FAT2: variants seen among roughly 807,000 people sequenced by gnomAD.
The protein encoded by FAT2 is protocadherin Fat 2.
A neutral mutation model predicts 295.3 loss-of-function variants in FAT2; 150 were observed. The ratio of observed to expected loss-of-function variants is 0.51; its 90% confidence interval spans 0.44 to 0.58. The LOEUF (loss-of-function observed/expected upper bound fraction) is 0.58. FAT2 is among the 20% of genes least tolerant of loss of function. The probability of loss-of-function intolerance (pLI) is 0.00; values close to 1 mark genes in which losing one functional copy is unlikely to be tolerated. For synonymous variants in FAT2, 2,026 were observed against 2,150.3 expected, an observed-to-expected ratio of 0.94 and a Z score of 1.60; for missense variants, 4,868 against 5,442.7, an observed-to-expected ratio of 0.89 and a Z score of 3.32.
In FAT2 at chr5:151,565,801, T is replaced by C; in HGVS notation, c.3131A>G (p.Asn1044Ser). ...SFVHQGQVQENSPSGTQVIVV... is the reference protein window; with the variant it reads ...SFVHQGQVQESSPSGTQVIVV... ...AATCACCTGAGTTCCCGAGGGGCTG[T>C]TCTCCTGCACCTGGCCCTGGTGCAC... is the stretch of plus-strand genomic sequence containing the variant. Residue 1044 changes from asparagine to serine, a missense_variant, in exon 2 of 24, where the codon AAC (asparagine) becomes AGC (serine). Physicochemically the swap from Asn to Ser is conservative, Grantham distance 46. Transcript: ENST00000261800. The C allele has an allele frequency of 6.2e-7, 1 of 1,614,104 alleles. No individual in the cohort carries two copies. Among genetic ancestry groups the C allele is most frequent in the Non-Finnish European group, 8.5e-7 (1 of 1,180,010 alleles).
Position 151,568,766 on chromosome 5 carries a change from C to G in FAT2, c.166G>C (p.Glu56Gln). The change falls in exon 2 of 24, where the codon GAG (glutamate) becomes CAG (glutamine). Residue 56 changes from glutamate (E) to glutamine (Q), a missense_variant. Glu to Gln is a conservative substitution (Grantham distance 29, BLOSUM62 2). Transcript: ENST00000261800. Reference sequence around the variant, plus strand: ...TCCGCGAGGTAGATGCCCATTTTCTCGAAGCTCTCCACATAGGTCTTGGGA... The same window carrying G: ...TCCGCGAGGTAGATGCCCATTTTCTGGAAGCTCTCCACATAGGTCTTGGGA... ...SSPKTYVESF[E>Q]KMGIYLAEPQ... The G allele has an allele frequency of 6.2e-7, 1 of 1,614,132 alleles. No individual in the cohort carries two copies. Among genetic ancestry groups the G allele is most frequent in the East Asian group, 2.2e-5 (1 of 44,890 alleles).
chr5:151,562,303 A>G (rs1758050377), intron 3 of FAT2, among the ~76,000 whole-genome samples: 1 of 152,116 alleles, frequency 6.6e-6, no homozygotes, highest in Non-Finnish European at 1.5e-5. Flanking sequence ...GACAAGAGTA[A>G]ATTGTTGGAG....
chr5:151,542,497 G>A lies in FAT2; in HGVS notation c.8630C>T (p.Ala2877Val), dbSNP rs1340677997. The A allele has an allele frequency of 1.2e-6, 2 of 1,614,168 alleles. No homozygotes were observed. Among genetic ancestry groups the A allele is most frequent in the East Asian group, 2.2e-5 (1 of 44,886 alleles). Reference sequence around the variant, plus strand: ...CTGGATGGTCTGTCCGTGGTCATAGGCCACCACATGAAAATGATAAGTCTG... The same window carrying A: ...CTGGATGGTCTGTCCGTGGTCATAGACCACCACATGAAAATGATAAGTCTG... Reference protein sequence around the residue: ...TCQTYHFHVVAYDHGQTIQLS... With the variant: ...TCQTYHFHVVVYDHGQTIQLS... The change falls in exon 10 of 24, where the codon GCC becomes GTC. Residue 2877 changes from alanine to valine, a missense_variant. By Grantham distance (64) the Ala-to-Val change is moderately conservative. Coordinates refer to ENST00000261800, the MANE Select transcript of FAT2 (RefSeq NM_001447.3).
At chr5:151,556,191 A>G in intron 4 of FAT2, 153 bp downstream of exon 4, 1 of 672,690 alleles carries the variant, frequency 1.5e-6, no homozygotes, top group South Asian at 1.7e-5. Flanking sequence ...GGAGCTAGCA[A>G]AGATCCAAGG....
chr5:151,591,020 C>A (rs552312742), intron 1 of FAT2, among the ~76,000 whole-genome samples, 145 bp downstream of exon 1: 2 of 152,232 alleles, frequency 1.3e-5, no homozygotes, highest in African/African-American at 4.8e-5. Flanking sequence ...CCTGTCTTCC[C>A]TCTCTGTGCC....
At chr5:151,534,951 G>T (rs180895215) in intron 12 of FAT2, among the ~76,000 whole-genome samples, 1 of 107,138 alleles carries the variant, frequency 9.3e-6, no homozygotes, top group African/African-American at 3.1e-5. Context: ...CCTTTGGTTC[G>T]TAATTCCACT....
At chr5:151,563,212 C>A (rs1243317606) in intron 3 of FAT2, 113 bp downstream of exon 3, 7 of 1,006,412 alleles carry the variant, frequency 7.0e-6, no homozygotes, top group Middle Eastern at 6.2e-4. Flanking sequence ...AGGGTGGGGC[C>A]AGAGAATTTG....
At chr5:151,590,178 G>T (rs541050825) in intron 1 of FAT2, among the ~76,000 whole-genome samples, 1 of 152,338 alleles carries the variant, frequency 6.6e-6, no homozygotes, top group African/African-American at 2.4e-5. Flanking sequence ...AGCAAGGCAT[G>T]TTCACCTGTC....
Position 151,510,099 on chromosome 5 carries a change from G to C in FAT2, c.11981C>G (p.Pro3994Arg), listed in dbSNP as rs770065957. ...EQGRENCTFA[P>R]CLEGGTCILS... ...GATGCAAGTTCCACCTTCCAGGCAG[G>C]GTGCAAAAGTACAGTTCTCCCTTCC... The change falls in exon 22 of 24, where the codon CCC (proline) becomes CGC (arginine). Residue 3994 changes from proline to arginine, a missense_variant. By Grantham distance (103) the Pro-to-Arg change is moderately radical. Transcript: ENST00000261800. 5.6e-6 allele frequency: 9 copies of C among 1,614,054 alleles called. No individual in the cohort carries two copies. The African/African-American group carries it at 1.1e-4, about 19-fold the overall frequency.
intron 19 of FAT2, among the ~76,000 whole-genome samples, chr5:151,519,160 G>A (rs781152145): frequency 6.6e-5 from 10 of 152,074 alleles, no homozygotes; most frequent in Non-Finnish European, 1.0e-4. Flanking sequence ...CCTGGTCAAC[G>A]TGGTGAAACC....
At chr5:151,585,308 G>A (rs368304497) in intron 1 of FAT2, among the ~76,000 whole-genome samples, 73 of 152,324 alleles carry the variant, frequency 4.8e-4, no homozygotes, top group African/African-American at 1.8e-3. Flanking sequence ...GCCACCATTC[G>A]AGTTCACTTT....
Position 151,550,775 on chromosome 5 carries a change from C to A in FAT2, c.4393G>T (p.Val1465Leu), listed in dbSNP as rs1757124627. ...VRVPQDTVPG[V>L]ELLRVQAIDQ... is the part of the protein sequence containing the mutation. The stretch of plus-strand genomic sequence containing the variant: ...ATGGCCTGGACTCGCAGGAGCTCTA[C>A]CCCTGGCACGGTGTCCTGGGGAACT... The change falls in exon 8 of 24, where the codon GTA becomes TTA. Residue 1465 changes from valine to leucine, a missense_variant. By Grantham distance (32) the Val-to-Leu change is conservative. Coordinates refer to ENST00000261800, the MANE Select transcript of FAT2 (RefSeq NM_001447.3). 1.2e-6 allele frequency: 2 copies of A among 1,613,960 alleles called. No individual in the cohort carries two copies. Among genetic ancestry groups the A allele is most frequent in the South Asian group, 1.1e-5 (1 of 91,066 alleles).
In FAT2 at chr5:151,537,857, A is replaced by G. The variant is rs1187342576; in HGVS notation, c.9129T>C (p.Asn3043=). The G allele has an allele frequency of 6.2e-7, 1 of 1,614,128 alleles. No homozygotes were observed. Among genetic ancestry groups the G allele is most frequent in the Non-Finnish European group, 8.5e-7 (1 of 1,180,044 alleles). Residue 3043 remains asparagine, a synonymous_variant, in exon 12 of 24, where the codon AAT becomes AAC. Coordinates refer to ENST00000261800, the MANE Select transcript of FAT2 (RefSeq NM_001447.3). ...CATGCAGAGAATATGTGATCTGAGC[A>G]TTGGTATCAGTGTCCAAGTCTGTGG... ...VSATDLDTDT[N]AQITYSLHGP...
rs2127591361 is a variant in FAT2 at position 151,531,719 on chromosome 5, C to T, written c.9679G>A (p.Val3227Met). Reference sequence around the variant, plus strand: ...GTGCCAGGTGGGGCGTCCTCGGGCACCTGCACGCTGTGCTCGGTGTTCAGG... The same window carrying T: ...GTGCCAGGTGGGGCGTCCTCGGGCATCTGCACGCTGTGCTCGGTGTTCAGG... ...VFLNTEHSVQ[V>M]PEDAPPGTEV... The change falls in exon 14 of 24, where the codon GTG becomes ATG. Residue 3227 changes from valine to methionine, a missense_variant. Physicochemically the swap from Val to Met is conservative, Grantham distance 21. Coordinates refer to ENST00000261800, the MANE Select transcript of FAT2 (RefSeq NM_001447.3). The surrounding 1 kb of genome is among the most constrained non-coding windows in gnomAD (Gnocchi z 5.7). 6.2e-7 allele frequency: 1 copy of T among 1,613,938 alleles called. No individual in the cohort carries two copies.
chr5:151,531,725 C>T lies in FAT2; in HGVS notation c.9673G>A (p.Val3225Met), dbSNP rs145417867. 10 of 1,613,800 alleles carry T rather than the reference C, an allele frequency of 6.2e-6. No homozygotes were observed. The highest frequency in any genetic ancestry group is 8.5e-6 in the Non-Finnish European group (10 of 1,179,976). Residue 3225 changes from valine (V) to methionine (M), a missense_variant, in exon 14 of 24, where the codon GTG becomes ATG. Physicochemically the swap from Val to Met is conservative, Grantham distance 21. Coordinates refer to ENST00000261800, the MANE Select transcript of FAT2 (RefSeq NM_001447.3). The surrounding 1 kb of genome is among the most constrained non-coding windows in gnomAD (Gnocchi z 5.7). ...GGTGGGGCGTCCTCGGGCACCTGCA[C>T]GCTGTGCTCGGTGTTCAGGAACACG... ...LPVFLNTEHS[V>M]QVPEDAPPGT...
At chr5:151,578,013 G>A (rs1400311641) in intron 1 of FAT2, among the ~76,000 whole-genome samples, 6 of 149,788 alleles carry the variant, frequency 4.0e-5, no homozygotes, top group Non-Finnish European at 5.9e-5. Flanking sequence ...CCATGAAAAG[G>A]GAAAGGCAAA....
intron 14 of FAT2, 106 bp from the exon 15 acceptor site, chr5:151,529,498 G>T: frequency 1.1e-6 from 1 of 884,200 alleles, no homozygotes; most frequent in Admixed American, 2.0e-5. Flanking sequence ...ACAGGGCTAG[G>T]CAAGGTAAGT....
intron 1 of FAT2, among the ~76,000 whole-genome samples, chr5:151,570,142 A>G (rs1317255195): frequency 2.0e-5 from 3 of 152,248 alleles, no homozygotes; most frequent in Non-Finnish European, 4.4e-5. Flanking sequence ...CATAAAAGGA[A>G]GGGAGCTGCC....
chr5:151,575,602 C>A (rs4376256), intron 1 of FAT2, among the ~76,000 whole-genome samples: 70,219 of 152,054 alleles, frequency 0.46, 16,311 homozygotes, highest in Middle Eastern at 0.51. Context: ...CATCATCTGT[C>A]CTATGACATT....
Sources: gnomAD v4.1 joint callset for allele counts (sites outside exome capture counted in the v4.1 genomes callset) on GRCh38, gnomAD v4.1.1 for gene constraint, Gnocchi (gnomAD v3.1) non-coding constraint, MANE v1.5 for transcripts, NCBI Gene and HGNC (gene_info 2026-07-23, HGNC 2026-07-21) for gene names.